Variants in ARRDC2 observed in about 807,000 individuals in gnomAD.
ARRDC2 encodes arrestin domain-containing protein 2.
ARRDC2 carries 39 observed loss-of-function variants against 38.9 expected under a neutral mutation model. That is an observed-to-expected ratio of 1.00 (90% CI 0.78 to 1.31). ARRDC2 has a LOEUF of 1.31. ARRDC2 is among the 50% of genes most tolerant of loss of function. ARRDC2 has a pLI of 0.00. For synonymous variants in ARRDC2, 300 were observed against 261.9 expected (o/e 1.15, Z -1.41); for missense variants, 553 against 588.4 (o/e 0.94, Z 0.62).
intron 7 of ARRDC2, among the ~76,000 whole-genome samples, chr19:18,011,950 ATAT>A (rs1260819717): frequency 4.2e-4 from 24 of 56,616 alleles, no homozygotes; most frequent in African/African-American, 1.1e-3. Flanking sequence ...ATATATATAT[ATAT>A]TTTTTTTTTT....
intron 4 of ARRDC2, 30 bp downstream of exon 4, chr19:18,009,724 G>C: frequency 6.2e-7 from 1 of 1,612,528 alleles, no homozygotes; most frequent in Non-Finnish European, 8.5e-7. Flanking sequence ...GGGTTGGGAC[G>C]GGGGCTGGTG....
intron 1 of ARRDC2, among the ~76,000 whole-genome samples, chr19:18,002,602 C>T (rs1344083693): frequency 1.3e-5 from 2 of 152,196 alleles, no homozygotes; most frequent in East Asian, 1.9e-4. Context: ...TTTTTCCCAG[C>T]GCTGCGGGCA....
upstream of ARRDC2, among the ~76,000 whole-genome samples, chr19:18,006,118 G>A (rs997271555): frequency 6.6e-6 from 1 of 151,554 alleles, no homozygotes; most frequent in African/African-American, 2.4e-5. Flanking sequence ...TGGCGGCCGG[G>A]CAGAGACGCT....
intron 1 of ARRDC2, chr19:18,001,590 G>A: frequency 1.5e-6 from 2 of 1,306,748 alleles, no homozygotes; most frequent in South Asian, 2.0e-5. Context: ...CACTCGTCGC[G>A]CCGCCCCCGC....
At position 18,009,639 on chromosome 19, in the gene ARRDC2, TAA is replaced by T; in HGVS notation, c.538_539del (p.Asn180ProfsTer157). On this transcript the variant is annotated frameshift_variant, in exon 4 of 8. Transcript: ENST00000222250. LOFTEE classifies it high-confidence loss of function. Reference sequence around the variant, plus strand: ...AAAAGGTTGCCCGATCCTGGTACTGTAACCGTGGCCTAGTCTCCCTTTCGGCC... The same window carrying T: ...AAAAGGTTGCCCGATCCTGGTACTGTCCGTGGCCTAGTCTCCCTTTCGGCC... ...REKVARSWYC[N>X]RGLVSLSAKI... The T allele has an allele frequency of 6.2e-7, 1 of 1,611,054 alleles. No individual in the cohort carries two copies. The highest frequency in any genetic ancestry group is 8.5e-7 in the Non-Finnish European group (1 of 1,177,748).
At chr19:18,006,537 C>A (rs1053587062), upstream of ARRDC2, among the ~76,000 whole-genome samples, 1 of 152,096 alleles carries the variant, frequency 6.6e-6, no homozygotes, top group African/African-American at 2.4e-5. Flanking sequence ...GAGAATCAGG[C>A]AGGGAGGTTG....
rs940888899 is a variant in ARRDC2, at chr19:18,008,492, A to T, written c.182A>T (p.Glu61Val). ...ARGRAHVHWT[E>V]SRSAGSSTAY... ...GGCCGCGCCCACGTGCACTGGACCG[A>T]GTCGCGCAGCGCGGGCTCGAGCACG... Residue 61 changes from glutamate to valine, a missense_variant, in exon 1 of 8, where the codon GAG becomes GTG. Transcript: ENST00000222250. 4 of 1,529,458 alleles carry T rather than the reference A, an allele frequency of 2.6e-6. No homozygotes were observed. Among genetic ancestry groups the T allele is most frequent in the East Asian group, 2.4e-5 (1 of 40,902 alleles). 94.7% of individuals were successfully genotyped at this position (1,529,458 alleles called of 1,614,324 possible).
intron 7 of ARRDC2, among the ~76,000 whole-genome samples, 159 bp from the exon 8 acceptor site, chr19:18,012,754 C>T (rs1235342077): frequency 6.6e-6 from 1 of 152,142 alleles, no homozygotes; most frequent in African/African-American, 2.4e-5. Context: ...ACACTCAGCT[C>T]CAAAACCCTC....
In ARRDC2 at chr19:18,013,166, T is replaced by C. The variant is rs2033448373; in HGVS notation, c.*200T>C. On this transcript the variant is annotated 3_prime_UTR_variant, in exon 8 of 8. Coordinates refer to ENST00000222250, the MANE Select transcript of ARRDC2 (RefSeq NM_015683.2). ...CTGGAATCTGACTTACCTGGACCGC[T>C]GTCCTTGTGAGGCATTGAATGCCCA... 3.4e-6 allele frequency: 2 copies of C among 593,664 alleles called. No individual in the cohort carries two copies. The highest frequency in any genetic ancestry group is 5.9e-6 in the Non-Finnish European group (2 of 336,730). The allele number at this position is 593,664 out of a possible 1,614,324, so 36.8% of individuals were successfully genotyped here.
intron 7 of ARRDC2, among the ~76,000 whole-genome samples, chr19:18,011,290 C>G (rs1334456277): frequency 2.0e-5 from 3 of 152,078 alleles, no homozygotes; most frequent in Non-Finnish European, 2.9e-5. Flanking sequence ...AGCTACCACG[C>G]CCGGCCAATT....
upstream of ARRDC2, chr19:18,008,115 G>GTGCCC: frequency 6.2e-6 from 5 of 810,030 alleles, no homozygotes; most frequent in Non-Finnish European, 8.5e-6. Flanking sequence ...AAGAGACGGT[G>GTGCCC]ACCCCACCCC....
At chr19:18,006,220 G>A (rs1313946697), upstream of ARRDC2, among the ~76,000 whole-genome samples, 1 of 151,904 alleles carries the variant, frequency 6.6e-6, no homozygotes, top group African/African-American at 2.4e-5. Flanking sequence ...CTTCCCAGAC[G>A]GGGTGGCGGC....
upstream of ARRDC2, chr19:18,008,115 G>GTGGGCCC: frequency 1.2e-6 from 1 of 810,030 alleles, no homozygotes; most frequent in Non-Finnish European, 1.7e-6. Flanking sequence ...AAGAGACGGT[G>GTGGGCCC]ACCCCACCCC....
Position 18,008,990 on chromosome 19 carries a change from G to T in ARRDC2, c.361G>T (p.Glu121Ter). Reference sequence around the variant, plus strand: ...CCCTAGGACCCTGGTGACATCCTTCGAGGGCAAACACGGTAGTGTCCGCTA... The same window carrying T: ...CCCTAGGACCCTGGTGACATCCTTCTAGGGCAAACACGGTAGTGTCCGCTA... ...QLPPTLVTSF[E>*]GKHGSVRYCI... The change falls in exon 3 of 8, where the codon GAG (glutamate) becomes TAG (stop). Residue 121 changes from glutamate (E) to a stop codon, truncating the protein, a stop_gained. Transcript: ENST00000222250. LOFTEE classifies it high-confidence loss of function. 6.2e-7 allele frequency: 1 copy of T among 1,613,654 alleles called. No homozygotes were observed. Among genetic ancestry groups the T allele is most frequent in the South Asian group, 1.1e-5 (1 of 91,080 alleles).
Position 18,008,371 on chromosome 19 carries a change from G to T in ARRDC2, c.61G>T (p.Glu21Ter). The T allele has an allele frequency of 6.3e-7, 1 of 1,596,732 alleles. No individual in the cohort carries two copies. Among genetic ancestry groups the T allele is most frequent in the Non-Finnish European group, 8.5e-7 (1 of 1,178,916 alleles). Residue 21 changes from glutamate to a stop codon, truncating the protein, a stop_gained, in exon 1 of 8, where the codon GAG becomes TAG. Transcript: ENST00000222250. LOFTEE classifies it high-confidence loss of function. ...VQLDGATAGV[E>*]PVFSGGQAVA... ...GTTGGACGGCGCGACCGCGGGCGTC[G>T]AGCCCGTGTTTAGCGGCGGCCAGGC...
upstream of ARRDC2, among the ~76,000 whole-genome samples, chr19:18,004,275 T>G (rs1343553991): frequency 6.8e-6 from 1 of 147,970 alleles, no homozygotes; most frequent in Non-Finnish European, 1.5e-5. Context: ...TAGGCGGAAT[T>G]TCACTCTTGT....
At chr19:18,008,115 G>GTGGGGGGGC, upstream of ARRDC2, 2 of 810,032 alleles carry the variant, frequency 2.5e-6, no homozygotes, top group Non-Finnish European at 3.4e-6. Context: ...AAGAGACGGT[G>GTGGGGGGGC]ACCCCACCCC....
upstream of ARRDC2, among the ~76,000 whole-genome samples, chr19:18,006,454 T>G (rs936011658): frequency 1.3e-5 from 2 of 152,126 alleles, no homozygotes; most frequent in Non-Finnish European, 2.9e-5. Context: ...GCGAAACCCC[T>G]TCTCCACCAA....
Position 18,009,484 on chromosome 19 carries a change from C to T in ARRDC2, c.490-108C>T, listed in dbSNP as rs2033358432. ...AGTTCCTGGATTGTTAAAAAGAAAC[C>T]AAGCCCTGCCCAAAGTCCTCCCTCA... On this transcript the variant is annotated intron_variant, in intron 3 of 7. Transcript: ENST00000222250. The T allele has an allele frequency of 5.0e-5, 51 of 1,016,326 alleles. No individual in the cohort carries two copies. The South Asian group carries it at 8.0e-4, about 16-fold the overall frequency. 63.0% of individuals were successfully genotyped at this position (1,016,326 alleles called of 1,614,324 possible).
Sources: gnomAD v4.1 joint callset for allele counts (sites outside exome capture counted in the v4.1 genomes callset) on GRCh38, gnomAD v4.1.1 for gene constraint, MANE v1.5 for transcripts, NCBI Gene and HGNC (gene_info 2026-07-23, HGNC 2026-07-21) for gene names.